Variants in CTTNBP2NL observed in about 807,000 individuals in gnomAD.
CTTNBP2NL encodes CTTNBP2 N-terminal like.
A neutral mutation model predicts 32.5 loss-of-function variants in CTTNBP2NL; 16 were observed. That is an observed-to-expected ratio of 0.49 (90% confidence interval 0.33 to 0.75). The LOEUF is 0.75. Among genes scored for constraint, CTTNBP2NL ranks in the 30% least tolerant of loss-of-function variants. The probability of loss-of-function intolerance (pLI) is 0.02; values close to 1 mark genes in which losing one functional copy is unlikely to be tolerated. For synonymous variants in CTTNBP2NL, 298 were observed against 289.4 expected, an observed-to-expected ratio of 1.03 and a Z score of -0.30; for missense variants, 645 against 756.0, an observed-to-expected ratio of 0.85 and a Z score of 1.72.
chr1:112,432,066 A>ATTTTTTTTTTTT (rs11440212), intron 3 of CTTNBP2NL, among the ~76,000 whole-genome samples: 2 of 91,050 alleles, frequency 2.2e-5, no homozygotes, highest in Non-Finnish European at 4.0e-5. Flanking sequence ...ATATATTTTG[A>ATTTTTTTTTTTT]TTTTTTTTTT....
intron 3 of CTTNBP2NL, among the ~76,000 whole-genome samples, chr1:112,425,747 C>T (rs532732787): frequency 6.6e-6 from 1 of 151,710 alleles, no homozygotes; most frequent in Non-Finnish European, 1.5e-5. Flanking sequence ...TCTGTAACCC[C>T]GGCTACTAGG....
chr1:112,449,753 T>TGTGTGTGTGTGTGTGTGTGTGTG lies in CTTNBP2NL; in HGVS notation c.330+581_330+582insGTGTGTGTGTGTGTGTGTGTGTG, dbSNP rs58369949. The stretch of plus-strand genomic sequence containing the variant: ...GTGTGTGTGTGTGTGTGTGTGTGTG[T>TGTGTGTGTGTGTGTGTGTGTGTG]TTTCCATATTTAACAAGCCCTAAAA... On this transcript the variant is annotated intron_variant, in intron 4 of 5. Transcript: ENST00000271277. Among the ~76,000 whole-genome samples the TGTGTGTGTGTGTGTGTGTGTGTG allele has an allele frequency of 9.1e-3, 232 of 25,416 alleles. 2 individuals are homozygous for TGTGTGTGTGTGTGTGTGTGTGTG. Among genetic ancestry groups the TGTGTGTGTGTGTGTGTGTGTGTG allele is most frequent in the African/African-American group, 0.01 (216 of 21,152 alleles). The allele number at this position is 25,416 out of a possible 152,430, so 16.7% of individuals were successfully genotyped here.
At position 112,425,860 on chromosome 1, in the gene CTTNBP2NL, CTCAA is replaced by C. The variant is rs369152697; in HGVS notation, c.99+9604_99+9607del. ...CTTGGGAGACAGAATGAGACCCTGG[CTCAA>C]TCAATCAGTCAGTCGTTTCCATTGG... On this transcript the variant is annotated intron_variant, in intron 3 of 5. Coordinates refer to ENST00000271277, the MANE Select transcript of CTTNBP2NL (RefSeq NM_018704.3). 6.1e-3 allele frequency among the ~76,000 whole-genome samples: 933 copies of C among 152,220 alleles called. 7 individuals carry two copies. The highest frequency in any genetic ancestry group is 0.021 in the African/African-American group (866 of 41,506).
At chr1:112,454,980 A>T (rs1401352806) in intron 5 of CTTNBP2NL, among the ~76,000 whole-genome samples, 1 of 152,214 alleles carries the variant, frequency 6.6e-6, no homozygotes. Flanking sequence ...GTTACGCCTG[A>T]AACAAAAATC....
chr1:112,444,255 A>G (rs1302548662), intron 3 of CTTNBP2NL, among the ~76,000 whole-genome samples: 1 of 152,258 alleles, frequency 6.6e-6, no homozygotes, highest in Non-Finnish European at 1.5e-5. Flanking sequence ...TTGGTGCCAA[A>G]GAATAAAAAG....
At chr1:112,406,411 G>T (rs1409829153) in intron 1 of CTTNBP2NL, among the ~76,000 whole-genome samples, 1 of 152,162 alleles carries the variant, frequency 6.6e-6, no homozygotes, top group East Asian at 1.9e-4. Context: ...GGAGTCTCTG[G>T]AGTCAATTTA....
At chr1:112,418,280 G>A (rs914251609) in intron 3 of CTTNBP2NL, among the ~76,000 whole-genome samples, 2 of 152,110 alleles carry the variant, frequency 1.3e-5, no homozygotes, top group Non-Finnish European at 2.9e-5. Context: ...TTGTAAAAGA[G>A]CTACATTCCT....
chr1:112,413,691 TG>T (rs1368876999), intron 2 of CTTNBP2NL, among the ~76,000 whole-genome samples: 2 of 152,230 alleles, frequency 1.3e-5, no homozygotes, highest in Non-Finnish European at 2.9e-5. Context: ...TTAAAATAAA[TG>T]TTATCAGATA....
upstream of CTTNBP2NL, among the ~76,000 whole-genome samples, chr1:112,394,246 C>T (rs188366223): frequency 6.6e-6 from 1 of 151,068 alleles, no homozygotes; most frequent in Non-Finnish European, 1.5e-5. Context: ...AAGGGAGGAG[C>T]TGATTCACTA....
At chr1:112,414,042 C>CT (rs1424488255) in intron 2 of CTTNBP2NL, among the ~76,000 whole-genome samples, 1 of 151,604 alleles carries the variant, frequency 6.6e-6, no homozygotes, top group East Asian at 1.9e-4. Flanking sequence ...GAGCAAAACT[C>CT]TGTCTCAAAA....
At chr1:112,426,421 G>C (rs972045307) in intron 3 of CTTNBP2NL, among the ~76,000 whole-genome samples, 1 of 151,950 alleles carries the variant, frequency 6.6e-6, no homozygotes, top group African/African-American at 2.4e-5. Flanking sequence ...GCTGGGCACA[G>C]TGGCTCACAC....
At chr1:112,449,715 C>G (rs1261302536) in intron 4 of CTTNBP2NL, among the ~76,000 whole-genome samples, 1 of 143,878 alleles carries the variant, frequency 7.0e-6, no homozygotes, top group Non-Finnish European at 1.5e-5. Flanking sequence ...GTGTTCTACT[C>G]TATTAGTGAG....
intron 5 of CTTNBP2NL, among the ~76,000 whole-genome samples, chr1:112,454,869 G>A (rs1426837446): frequency 6.6e-6 from 1 of 152,080 alleles, no homozygotes; most frequent in East Asian, 1.9e-4. Flanking sequence ...CACTCTTTGG[G>A]GAATGGTAAC....
At chr1:112,420,040 T>C (rs1361953275) in intron 3 of CTTNBP2NL, among the ~76,000 whole-genome samples, 4 of 152,212 alleles carry the variant, frequency 2.6e-5, no homozygotes, top group Non-Finnish European at 5.9e-5. Context: ...TACTGAGTTA[T>C]AAGGTTTTTA....
intron 3 of CTTNBP2NL, among the ~76,000 whole-genome samples, chr1:112,429,026 A>G (rs1320369929): frequency 6.6e-6 from 1 of 152,224 alleles, no homozygotes; most frequent in Admixed American, 6.5e-5. Context: ...ATCAGAAGCT[A>G]TTCCCAAAGT....
chr1:112,444,349 T>A (rs1269379400), intron 3 of CTTNBP2NL, among the ~76,000 whole-genome samples: 1 of 152,196 alleles, frequency 6.6e-6, no homozygotes, highest in Non-Finnish European at 1.5e-5. Context: ...CATATTTCCT[T>A]TTGAAGTTAG....
At chr1:112,416,658 A>G (rs1175625) in intron 3 of CTTNBP2NL, among the ~76,000 whole-genome samples, 6,467 of 151,948 alleles carry the variant, frequency 0.043, 424 homozygotes, top group African/African-American at 0.14. Context: ...ATGCCCAGCT[A>G]ATTTTTGTAT....
chr1:112,417,750 G>T (rs534616740), intron 3 of CTTNBP2NL, among the ~76,000 whole-genome samples: 39 of 152,146 alleles, frequency 2.6e-4, no homozygotes, highest in Non-Finnish European at 4.6e-4. Flanking sequence ...GGGGCAGCCG[G>T]GATTAAAATT....
In CTTNBP2NL at chr1:112,434,753, G is replaced by A. The variant is rs375261726; in HGVS notation, c.100-14189G>A. 3.7e-4 allele frequency among the ~76,000 whole-genome samples: 56 copies of A among 152,160 alleles called. 1 individual carries two copies. In the South Asian group the frequency reaches 9.4e-3, roughly 25 times the overall value. ...AATCTGACCTCTGTAGCCAAATTACGCATTTCCATTCTTCCATAACCTTGC... is the reference window on the plus strand; with the variant it reads ...AATCTGACCTCTGTAGCCAAATTACACATTTCCATTCTTCCATAACCTTGC... On this transcript the variant is annotated intron_variant, in intron 3 of 5. Transcript: ENST00000271277.
Sources: gnomAD v4.1 joint callset for allele counts (sites outside exome capture counted in the v4.1 genomes callset) on GRCh38, gnomAD v4.1.1 for gene constraint, MANE v1.5 for transcripts, NCBI Gene and HGNC (gene_info 2026-07-23, HGNC 2026-07-21) for gene names.